The following LRFN2 variants were observed in gnomAD, a reference collection of about 807,000 sequenced individuals.
LRFN2 encodes leucine rich repeat and fibronectin type III domain containing 2.
In LRFN2, 18 loss-of-function variants were observed where a neutral mutation model predicts 37.3. The ratio of observed to expected loss-of-function variants is 0.48; its 90% CI spans 0.33 to 0.72. The LOEUF (loss-of-function observed/expected upper bound fraction) is 0.72. Among genes scored for constraint, LRFN2 ranks in the 30% least tolerant of loss-of-function variants. The pLI is 0.02. For synonymous variants in LRFN2, 556 were observed against 466.6 expected (o/e 1.19, Z -2.47); for missense variants, 1,006 against 1,060.7 (o/e 0.95, Z 0.72).
intron 1 of LRFN2, among the ~76,000 whole-genome samples, chr6:40,549,397 T>C (rs9471371): frequency 0.013 from 1,923 of 152,296 alleles, 33 homozygotes; most frequent in African/African-American, 0.042. Flanking sequence ...TCTCAGGCTA[T>C]GTACCTGATA....
intron 1 of LRFN2, among the ~76,000 whole-genome samples, chr6:40,509,270 C>T (rs772024652): frequency 3.9e-5 from 6 of 152,258 alleles, no homozygotes; most frequent in Non-Finnish European, 8.8e-5. Context: ...CTGCCCATAT[C>T]CCCCAAGGTG....
At chr6:40,503,910 A>C (rs1452890280) in intron 1 of LRFN2, among the ~76,000 whole-genome samples, 1 of 151,854 alleles carries the variant, frequency 6.6e-6, no homozygotes, top group African/African-American at 2.4e-5. Context: ...TGCTGGAAAG[A>C]TGGGGTGAAG....
At chr6:40,421,829 C>A (rs1021173961) in intron 2 of LRFN2, among the ~76,000 whole-genome samples, 1 of 152,116 alleles carries the variant, frequency 6.6e-6, no homozygotes, top group African/African-American at 2.4e-5. Flanking sequence ...CGGAAATAAC[C>A]CCCAAATTTG....
At chr6:40,447,282 G>A (rs10807239) in intron 1 of LRFN2, among the ~76,000 whole-genome samples, 118,131 of 152,216 alleles carry the variant, frequency 0.78, 47,136 homozygotes, top group Middle Eastern at 0.89. Context: ...TGTCCCCACC[G>A]TATGCCTCAG....
At chr6:40,434,489 T>A (rs1156334505) in intron 1 of LRFN2, among the ~76,000 whole-genome samples, 2 of 151,762 alleles carry the variant, frequency 1.3e-5, no homozygotes, top group Non-Finnish European at 2.9e-5. Flanking sequence ...TTTCTTTTTT[T>A]TTTTTTTGAG....
chr6:40,420,828 A>G (rs9394689), intron 2 of LRFN2, among the ~76,000 whole-genome samples: 35,638 of 152,158 alleles, frequency 0.23, 5,498 homozygotes, highest in African/African-American at 0.44. Context: ...ATTTGAATAC[A>G]AGTAGTTTAT....
chr6:40,484,460 A>G (rs958363251), intron 1 of LRFN2, among the ~76,000 whole-genome samples: 1 of 152,200 alleles, frequency 6.6e-6, no homozygotes, highest in African/African-American at 2.4e-5. Context: ...CTCTCTCACC[A>G]TAATGTGCAC....
chr6:40,559,174 C>T (rs1766946363), intron 1 of LRFN2, among the ~76,000 whole-genome samples: 1 of 151,976 alleles, frequency 6.6e-6, no homozygotes, highest in African/African-American at 2.4e-5. Flanking sequence ...TACTCTGTGT[C>T]AAGTGCAGAG....
chr6:40,511,448 T>C (rs1046868108), intron 1 of LRFN2, among the ~76,000 whole-genome samples: 6 of 152,176 alleles, frequency 3.9e-5, no homozygotes, highest in African/African-American at 1.4e-4. Flanking sequence ...GAATGTGGCA[T>C]TGTTATCCAC....
intron 1 of LRFN2, among the ~76,000 whole-genome samples, chr6:40,554,739 C>T: frequency 6.6e-6 from 1 of 152,110 alleles, no homozygotes; most frequent in Middle Eastern, 3.4e-3. Context: ...TTTTTGATCA[C>T]CCCCTTCCTA....
At chr6:40,521,060 C>T (rs770822470) in intron 1 of LRFN2, among the ~76,000 whole-genome samples, 75 of 152,028 alleles carry the variant, frequency 4.9e-4, no homozygotes, top group Admixed American at 9.8e-4. Context: ...CATGGGGCCG[C>T]GTCGCTAGAG....
chr6:40,457,586 C>T (rs927370490), intron 1 of LRFN2, among the ~76,000 whole-genome samples: 1 of 143,268 alleles, frequency 7.0e-6, no homozygotes, highest in African/African-American at 2.6e-5. Context: ...CTGCAGTGAG[C>T]CATGATCATA....
chr6:40,500,755 T>C (rs906288053), intron 1 of LRFN2, among the ~76,000 whole-genome samples: 9 of 152,182 alleles, frequency 5.9e-5, no homozygotes, highest in African/African-American at 1.2e-4. Context: ...CTGGGGAATA[T>C]TCACTACATG....
intron 1 of LRFN2, among the ~76,000 whole-genome samples, chr6:40,471,437 C>T (rs763428579): frequency 1.3e-5 from 2 of 152,088 alleles, no homozygotes; most frequent in African/African-American, 2.4e-5. Flanking sequence ...AGTGTCACAC[C>T]GACTGCTGAA....
At chr6:40,459,209 C>T (rs1306237721) in intron 1 of LRFN2, among the ~76,000 whole-genome samples, 5 of 152,192 alleles carry the variant, frequency 3.3e-5, no homozygotes, top group African/African-American at 1.2e-4. Context: ...TTGGGTCTCA[C>T]TGTCTCATTC....
intron 1 of LRFN2, among the ~76,000 whole-genome samples, chr6:40,497,461 C>A (rs1765259548): frequency 6.6e-6 from 1 of 152,188 alleles, no homozygotes; most frequent in South Asian, 2.1e-4. Context: ...GCCTCCAAAG[C>A]TGTCTTGTGG....
At position 40,534,530 on chromosome 6, in the gene LRFN2, A is replaced by T. The variant is rs905684551; in HGVS notation, c.-19+52411T>A. On this transcript the variant is annotated intron_variant, in intron 1 of 2. Coordinates refer to ENST00000338305, the MANE Select transcript of LRFN2 (RefSeq NM_020737.3). ...CTGTGCAGGCTCTGAAGTCAGCTCT[A>T]TGGCCCTGGACAAATATGGAACTGT... is the stretch of plus-strand genomic sequence containing the variant. Among the ~76,000 whole-genome samples the T allele has an allele frequency of 3.4e-4, 51 of 152,186 alleles. 1 individual carries two copies. The highest frequency in any genetic ancestry group is 8.9e-4 in the African/African-American group (37 of 41,522).
intron 1 of LRFN2, among the ~76,000 whole-genome samples, chr6:40,470,807 C>T (rs1162862755): frequency 6.6e-6 from 1 of 152,208 alleles, no homozygotes; most frequent in South Asian, 2.1e-4. Flanking sequence ...CAGGCACCTG[C>T]TGGGCCTGGA....
At chr6:40,473,128 G>C (rs1466854852) in intron 1 of LRFN2, among the ~76,000 whole-genome samples, 1 of 152,112 alleles carries the variant, frequency 6.6e-6, no homozygotes, top group Non-Finnish European at 1.5e-5. Flanking sequence ...CAAGATAGGT[G>C]ATCTTCTGGG....
Sources: gnomAD v4.1 joint callset for allele counts (sites outside exome capture counted in the v4.1 genomes callset) on GRCh38, gnomAD v4.1.1 for gene constraint, MANE v1.5 for transcripts, NCBI Gene and HGNC (gene_info 2026-07-23, HGNC 2026-07-21) for gene names.